The following DRC1 variants were observed in gnomAD, a reference collection of about 807,000 sequenced individuals.
The protein encoded by DRC1 is dynein regulatory complex protein 1.
DRC1 carries 74 observed loss-of-function variants against 98.7 expected under a neutral mutation model. That is an observed-to-expected ratio of 0.75 (90% CI 0.62 to 0.91). The LOEUF (loss-of-function observed/expected upper bound fraction) is 0.91. DRC1 is among the 40% of genes least tolerant of loss of function. The pLI, the probability that DRC1 is intolerant of heterozygous loss-of-function variation, is 0.00. For missense variants in DRC1, 875 were observed against 886.0 expected, an observed-to-expected ratio of 0.99 and a Z score of 0.16; for synonymous variants, 336 against 334.1, an observed-to-expected ratio of 1.01 and a Z score of -0.06.
At chr2:26,414,261 G>C in intron 1 of DRC1, 83 bp from the exon 2 acceptor site, 1 of 1,394,832 alleles carries the variant, frequency 7.2e-7, no homozygotes, top group South Asian at 1.2e-5. Flanking sequence ...ACAGGCATGA[G>C]CTACTGTGCC....
chr2:26,405,661 T>A (rs1200845812), intron 1 of DRC1, among the ~76,000 whole-genome samples: 22 of 138,228 alleles, frequency 1.6e-4, no homozygotes, highest in African/African-American at 5.7e-4. Context: ...ATCTTTTTTT[T>A]TTTTTTTTTT....
At chr2:26,455,613 G>T (rs1664133707) in intron 16 of DRC1, among the ~76,000 whole-genome samples, 1 of 152,228 alleles carries the variant, frequency 6.6e-6, no homozygotes, top group Non-Finnish European at 1.5e-5. Flanking sequence ...CGGAAACAAT[G>T]CTCCTCATTT....
rs1663925748 is a variant in DRC1, at chr2:26,448,767, T to C, written c.1473T>C (p.Thr491=). The C allele has an allele frequency of 6.2e-7, 1 of 1,614,074 alleles. No homozygotes were observed. The highest frequency in any genetic ancestry group is 1.1e-5 in the South Asian group (1 of 91,090). ...LDLPKQISEK[T]TKRILMLLCD... ...TGCCGAAGCAAATTTCTGAAAAAAC[T>C]ACCAAGAGGATCCTGATGCTCCTGT... is the stretch of plus-strand genomic sequence containing the variant. The change falls in exon 11 of 17, where the codon ACT becomes ACC. Residue 491 remains threonine, a synonymous_variant. Coordinates refer to ENST00000288710, the MANE Select transcript of DRC1 (RefSeq NM_145038.5).
rs757114521 is a variant in DRC1 at position 26,402,028 on chromosome 2, C to A, written c.39C>A (p.Asn13Lys). The change falls in exon 1 of 17, where the codon AAC (asparagine) becomes AAA (lysine). Residue 13 changes from asparagine to lysine, a missense_variant. Transcript: ENST00000288710. Reference sequence around the variant, plus strand: ...GGTCCCTAGAGGCCCTGGACCCGAACGTGGACGAGCACTTGTCCACCCAGA... The same window carrying A: ...GGTCCCTAGAGGCCCTGGACCCGAAAGTGGACGAGCACTTGTCCACCCAGA... ...PPGSLEALDPNVDEHLSTQIL... is the reference protein window; with the variant it reads ...PPGSLEALDPKVDEHLSTQIL... The A allele has an allele frequency of 1.4e-5, 22 of 1,612,554 alleles. No homozygotes were observed. The highest frequency in any genetic ancestry group is 1.7e-5 in the Non-Finnish European group (20 of 1,179,530).
intron 8 of DRC1, among the ~76,000 whole-genome samples, chr2:26,442,617 T>G (rs1663746177): frequency 6.6e-6 from 1 of 152,190 alleles, no homozygotes; most frequent in Non-Finnish European, 1.5e-5. Context: ...TATCCCCTTT[T>G]TGTTGATGAC....
rs192202967 is a variant in DRC1 at position 26,452,736 on chromosome 2, C to T, written c.1690-584C>T. Among the ~76,000 whole-genome samples, 48 of 152,228 alleles carry T rather than the reference C, an allele frequency of 3.2e-4. 1 individual carries two copies. Among genetic ancestry groups the T allele is most frequent in the South Asian group, 4.1e-4 (2 of 4,822 alleles). ...AAAAAACCAAAGTTCTTTATGTATT[C>T]ACATGAAAAGGTACCTAAGGTTTAT... On this transcript the variant is annotated intron_variant, in intron 13 of 16. Transcript: ENST00000288710.
intron 1 of DRC1, among the ~76,000 whole-genome samples, chr2:26,403,931 C>T (rs1678339175): frequency 6.6e-6 from 1 of 151,774 alleles, no homozygotes; most frequent in Non-Finnish European, 1.5e-5. Flanking sequence ...GAAACCCTGT[C>T]TCTATTAAAA....
At chr2:26,433,084 G>T (rs56657655) in intron 7 of DRC1, among the ~76,000 whole-genome samples, 4,468 of 152,274 alleles carry the variant, frequency 0.029, 176 homozygotes, top group African/African-American at 0.085. Flanking sequence ...ATATGCAAAG[G>T]CTGAATGACT....
chr2:26,431,359 G>A (rs1663433658), intron 6 of DRC1, among the ~76,000 whole-genome samples: 1 of 152,120 alleles, frequency 6.6e-6, no homozygotes, highest in South Asian at 2.1e-4. Context: ...TTGTCTCTTG[G>A]GTGGTGGTGA....
rs368096684 is a variant in DRC1 at position 26,424,390 on chromosome 2, C to T, written c.476C>T (p.Thr159Ile). ...CAAGAGCTGTGGGAAATGCTCAATA[C>T]CCAACAGCTGCACTGTGCTGGACTC... ...IPQELWEMLNTQQLHCAGLLE... is the reference protein window; with the variant it reads ...IPQELWEMLNIQQLHCAGLLE... The change falls in exon 4 of 17, where the codon ACC (threonine) becomes ATC (isoleucine). Residue 159 changes from threonine to isoleucine, a missense_variant. Thr to Ile is a moderately conservative substitution (Grantham distance 89, BLOSUM62 -1). Coordinates refer to ENST00000288710, the MANE Select transcript of DRC1 (RefSeq NM_145038.5). 8.1e-6 allele frequency: 13 copies of T among 1,613,918 alleles called. No homozygotes were observed. Among genetic ancestry groups the T allele is most frequent in the Non-Finnish European group, 1.1e-5 (13 of 1,179,998 alleles).
At chr2:26,436,013 C>T (rs1393999274) in intron 7 of DRC1, among the ~76,000 whole-genome samples, 1 of 152,048 alleles carries the variant, frequency 6.6e-6, no homozygotes, top group Admixed American at 6.5e-5. Flanking sequence ...CTCCGTTTTA[C>T]GTTCTTTGAG....
chr2:26,419,528 C>A (rs928291338), intron 2 of DRC1, among the ~76,000 whole-genome samples: 2 of 152,090 alleles, frequency 1.3e-5, no homozygotes, highest in African/African-American at 4.8e-5. Context: ...AAACTGCAGG[C>A]ATTAACAAAA....
At chr2:26,418,610 A>T (rs1308306513) in intron 2 of DRC1, among the ~76,000 whole-genome samples, 2 of 82,242 alleles carry the variant, frequency 2.4e-5, no homozygotes, top group South Asian at 5.6e-4. Flanking sequence ...ATAATATATA[A>T]ATTATATATA....
chr2:26,453,452 G>C lies in DRC1; in HGVS notation c.1822G>C (p.Glu608Gln). 1 of 1,614,128 alleles carries C rather than the reference G, an allele frequency of 6.2e-7. No homozygotes were observed. Among genetic ancestry groups the C allele is most frequent in the Non-Finnish European group, 8.5e-7 (1 of 1,180,028 alleles). ...AGAAAGCCTGGTGGAAGGGGAGAAG[G>C]AGGAAGAGGAGGAGACCCCACCCTC... ...KEESLVEGEKEEEEETPPSPW... is the reference protein window; with the variant it reads ...KEESLVEGEKQEEEETPPSPW... Residue 608 changes from glutamate to glutamine, a missense_variant, in exon 14 of 17, where the codon GAG (glutamate) becomes CAG (glutamine). Physicochemically the swap from Glu to Gln is conservative, Grantham distance 29. Coordinates refer to ENST00000288710, the MANE Select transcript of DRC1 (RefSeq NM_145038.5).
In DRC1 at chr2:26,453,071, G is replaced by A. The variant is rs77004090; in HGVS notation, c.1690-249G>A. Among the ~76,000 whole-genome samples, 2,669 of 152,250 alleles carry A rather than the reference G, an allele frequency of 0.018. 76 individuals carry two copies. Among genetic ancestry groups the A allele is most frequent in the African/African-American group, 0.059 (2,440 of 41,536 alleles). On this transcript the variant is annotated intron_variant, in intron 13 of 16. Transcript: ENST00000288710. The stretch of plus-strand genomic sequence containing the variant: ...TAACATGTAAGCTTTATGAATGTCA[G>A]TAAGGTGAGCACCTAGGAGCCCGGA...
chr2:26,451,112 G>A lies in DRC1; in HGVS notation c.1689+431G>A, dbSNP rs542179235. Reference sequence around the variant, plus strand: ...TGAGTAGCACTTCTGGAGAAATAGCGGGGCTTTTATGTCAGGTATAGCTAA... The same window carrying A: ...TGAGTAGCACTTCTGGAGAAATAGCAGGGCTTTTATGTCAGGTATAGCTAA... On this transcript the variant is annotated intron_variant, in intron 13 of 16. Transcript: ENST00000288710. Among the ~76,000 whole-genome samples the A allele has an allele frequency of 3.5e-3, 534 of 152,262 alleles. 1 individual carries two copies. Among genetic ancestry groups the A allele is most frequent in the Non-Finnish European group, 6.4e-3 (437 of 68,026 alleles).
chr2:26,423,132 C>T (rs1172177071), intron 3 of DRC1, among the ~76,000 whole-genome samples: 1 of 152,062 alleles, frequency 6.6e-6, no homozygotes, highest in Admixed American at 6.5e-5. Context: ...GGCAGATTCC[C>T]AGCAGGGTCA....
chr2:26,412,234 T>C (rs1334461089), intron 1 of DRC1, among the ~76,000 whole-genome samples: 7 of 151,850 alleles, frequency 4.6e-5, no homozygotes, highest in South Asian at 4.2e-4. Flanking sequence ...TTAGAAAAAG[T>C]CAAGAAAGAA....
At chr2:26,428,427 C>A (rs76543970) in intron 4 of DRC1, among the ~76,000 whole-genome samples, 2,867 of 152,296 alleles carry the variant, frequency 0.019, 73 homozygotes, top group African/African-American at 0.064. Flanking sequence ...GTCCGGAATG[C>A]TACTGTACTG....
Sources: allele counts gnomAD v4.1 joint callset (sites outside exome capture counted in the v4.1 genomes callset), GRCh38; gene constraint gnomAD v4.1.1; transcripts MANE v1.5; gene names NCBI Gene and HGNC (gene_info 2026-07-23, HGNC 2026-07-21).